The following RPTOR variants were observed in gnomAD, a reference collection of about 807,000 sequenced individuals.
RPTOR encodes the protein regulatory associated protein of MTOR complex 1, also known as regulatory-associated protein of mTOR.
RPTOR carries 21 observed loss-of-function variants against 169.9 expected under a neutral mutation model. The observed-to-expected ratio is 0.12, with a 90% CI of 0.09 to 0.18. RPTOR has a LOEUF of 0.18. Ranked by LOEUF, RPTOR falls within the 10% of genes least tolerant of loss-of-function variation. RPTOR has a pLI of 1.00. For synonymous variants in RPTOR, 732 were observed against 753.2 expected, an observed-to-expected ratio of 0.97 and a Z score of 0.46; for missense variants, 1,133 against 1,855.9, an observed-to-expected ratio of 0.61 and a Z score of 7.16.
At position 80,746,604 on chromosome 17, in the gene RPTOR, G is replaced by C. The variant is rs916853356; in HGVS notation, c.655-7406G>C. Among the ~76,000 whole-genome samples the C allele has an allele frequency of 6.6e-6, 1 of 152,158 alleles. No individual in the cohort carries two copies. The highest frequency in any genetic ancestry group is 2.4e-5 in the African/African-American group (1 of 41,430). ...TGTGTTTGAGTCCCTAGGCTCCCCG[G>C]AGAAACCCCTTTGGGTGCACGCTCA... is the stretch of plus-strand genomic sequence containing the variant. On this transcript the variant is annotated intron_variant, in intron 5 of 33. Coordinates refer to ENST00000306801, the MANE Select transcript of RPTOR (RefSeq NM_020761.3). The surrounding 1 kb of genome is among the most constrained non-coding windows in gnomAD (Gnocchi z 4.5).
chr17:80,838,410 G>A (rs993425341), intron 10 of RPTOR, among the ~76,000 whole-genome samples: 5 of 152,092 alleles, frequency 3.3e-5, no homozygotes, highest in East Asian at 1.9e-4. Context: ...TTCTGCCCCC[G>A]GCCGCACTGC....
Position 80,878,680 on chromosome 17 carries a change from G to GACTT in RPTOR, c.1510-1732_1510-1731insTACT, listed in dbSNP as rs2143824057. On this transcript the variant is annotated intron_variant, in intron 13 of 33. Coordinates refer to ENST00000306801, the MANE Select transcript of RPTOR (RefSeq NM_020761.3). The surrounding 1 kb of genome is among the most constrained non-coding windows in gnomAD (Gnocchi z 4.1). Reference sequence around the variant, plus strand: ...TTTTTAAAACTTTACCTGGGTCCCTGACTAGTAAGAGGGAGAACCTGGACT... The same window carrying GACTT: ...TTTTTAAAACTTTACCTGGGTCCCTGACTTACTAGTAAGAGGGAGAACCTGGACT... 6.6e-6 allele frequency among the ~76,000 whole-genome samples: 1 copy of GACTT among 152,288 alleles called. No homozygotes were observed. Among genetic ancestry groups the GACTT allele is most frequent in the South Asian group, 2.1e-4 (1 of 4,822 alleles).
chr17:80,628,486 C>T (rs1468764323), intron 2 of RPTOR, among the ~76,000 whole-genome samples: 1 of 152,204 alleles, frequency 6.6e-6, no homozygotes, highest in Admixed American at 6.5e-5. Flanking sequence ...TTCTGGCTAG[C>T]AGTTTCTGAG....
intron 1 of RPTOR, among the ~76,000 whole-genome samples, chr17:80,607,576 G>A (rs1421440308): frequency 7.0e-6 from 1 of 142,578 alleles, no homozygotes; most frequent in African/African-American, 2.7e-5. Context: ...GTTTTTAATG[G>A]CATATATGTG....
chr17:80,841,416 C>A (rs2067654470), intron 10 of RPTOR, among the ~76,000 whole-genome samples: 1 of 141,012 alleles, frequency 7.1e-6, no homozygotes, highest in Admixed American at 6.9e-5. Context: ...AGCTCACACT[C>A]ACCACACGGC....
intron 6 of RPTOR, among the ~76,000 whole-genome samples, chr17:80,758,685 G>A (rs1038240713): frequency 6.6e-5 from 10 of 151,966 alleles, no homozygotes; most frequent in Non-Finnish European, 8.8e-5. Flanking sequence ...CCATGTTCCC[G>A]TCCCCGCTCC....
chr17:80,560,456 A>C (rs1218471942), intron 1 of RPTOR, among the ~76,000 whole-genome samples: 1 of 152,188 alleles, frequency 6.6e-6, no homozygotes, highest in East Asian at 1.9e-4. Context: ...CCAGTCTATC[A>C]GGGCAGATGG....
In RPTOR at chr17:80,940,590, T is replaced by A; in HGVS notation, c.3014T>A (p.Val1005Asp). The A allele has an allele frequency of 6.2e-7, 1 of 1,610,302 alleles. No homozygotes were observed. The highest frequency in any genetic ancestry group is 8.5e-7 in the Non-Finnish European group (1 of 1,178,458). Residue 1005 changes from valine (V) to aspartate (D), a missense_variant, in exon 25 of 34, where the codon GTC (valine) becomes GAC (aspartate). Physicochemically the swap from Val to Asp is radical, Grantham distance 152. This residue lies in a region of RPTOR where 410 missense variants were observed against 623.7 expected (regional missense o/e 0.66). Transcript: ENST00000306801. The part of the protein sequence containing the change: ...NSRVRRQAQQ[V>D]IQKGITRLDD... ...CGTGTCAGGAGGCAGGCCCAGCAAG[T>A]CATTCAGAAGGGTAAGGGCACCCGC...
chr17:80,636,059 G>A (rs1368238177), intron 2 of RPTOR, among the ~76,000 whole-genome samples: 2 of 152,180 alleles, frequency 1.3e-5, no homozygotes, highest in Non-Finnish European at 2.9e-5. Context: ...TAGAAATCGA[G>A]ATTTTTGTGT....
At chr17:80,597,389 A>G (rs1288278074) in intron 1 of RPTOR, among the ~76,000 whole-genome samples, 1 of 152,122 alleles carries the variant, frequency 6.6e-6, no homozygotes, top group Non-Finnish European at 1.5e-5. Flanking sequence ...ACTTGACTCA[A>G]ATTACTCATC....
rs36171676 is a variant in RPTOR, at chr17:80,634,724, T to TGC, written c.265+8932_265+8933insCG. Among the ~76,000 whole-genome samples, 179 of 69,674 alleles carry TGC rather than the reference T, an allele frequency of 2.6e-3. 49 individuals are homozygous for TGC. Among genetic ancestry groups the TGC allele is most frequent in the Non-Finnish European group, 3.7e-3 (114 of 31,216 alleles). 45.7% of individuals were successfully genotyped at this position (69,674 alleles called of 152,430 possible). A position where few individuals can be genotyped will look rare whatever the true frequency, so the allele number is the denominator to read the frequency against. On this transcript the variant is annotated intron_variant, in intron 2 of 33. Coordinates refer to ENST00000306801, the MANE Select transcript of RPTOR (RefSeq NM_020761.3). ...GCGTACTGTGTGTGTGCGTACTGTG[T>TGC]GTGTGCGTACTGTGTGTGTGCATAC...
At chr17:80,790,221 G>C (rs1465835434) in intron 6 of RPTOR, among the ~76,000 whole-genome samples, 1 of 152,222 alleles carries the variant, frequency 6.6e-6, no homozygotes, top group Admixed American at 6.5e-5. Flanking sequence ...GGGCTGCTCT[G>C]TAGCTTCAGG....
At chr17:80,778,837 C>T (rs1420640263) in intron 6 of RPTOR, among the ~76,000 whole-genome samples, 1 of 152,202 alleles carries the variant, frequency 6.6e-6, no homozygotes, top group Admixed American at 6.5e-5. Context: ...AGGATCAGGA[C>T]GGTAAAATCA....
chr17:80,605,631 G>A (rs2065223499), intron 1 of RPTOR, among the ~76,000 whole-genome samples: 1 of 152,192 alleles, frequency 6.6e-6, no homozygotes, highest in Admixed American at 6.5e-5. Flanking sequence ...TAGACCACCT[G>A]GGCGTTTCTC....
At chr17:80,785,923 A>C (rs938582696) in intron 6 of RPTOR, among the ~76,000 whole-genome samples, 1 of 152,208 alleles carries the variant, frequency 6.6e-6, no homozygotes, top group Non-Finnish European at 1.5e-5. Flanking sequence ...GCCACACTCC[A>C]GCACATCGTG....
chr17:80,814,688 C>T (rs761781048), intron 7 of RPTOR, among the ~76,000 whole-genome samples: 2 of 152,166 alleles, frequency 1.3e-5, no homozygotes, highest in Non-Finnish European at 2.9e-5. Flanking sequence ...CAAATATGTA[C>T]ACGGCATCTG....
intron 7 of RPTOR, among the ~76,000 whole-genome samples, chr17:80,807,060 AGAGT>A (rs2067225849): frequency 6.6e-6 from 1 of 152,252 alleles, no homozygotes; most frequent in African/African-American, 2.4e-5. Context: ...CTTTTGCCTT[AGAGT>A]CCACATTTTT....
At chr17:80,691,955 A>G (rs1161360163) in intron 3 of RPTOR, among the ~76,000 whole-genome samples, 1 of 152,148 alleles carries the variant, frequency 6.6e-6, no homozygotes, top group South Asian at 2.1e-4. Context: ...GTAATTACCC[A>G]TTCTCTTATC....
intron 24 of RPTOR, among the ~76,000 whole-genome samples, chr17:80,933,631 A>G (rs1213157635): frequency 6.6e-6 from 1 of 152,234 alleles, no homozygotes; most frequent in Admixed American, 6.5e-5. Context: ...GTATGGCAAT[A>G]TAAGGGACCC....
Sources: gnomAD v4.1 joint callset for allele counts (sites outside exome capture counted in the v4.1 genomes callset) on GRCh38, gnomAD v4.1.1 for gene constraint, gnomAD v4.1.1 regional missense constraint, Gnocchi (gnomAD v3.1) non-coding constraint, MANE v1.5 for transcripts, NCBI Gene and HGNC (gene_info 2026-07-23, HGNC 2026-07-21) for gene names.